The following SUCLG2 variants were observed in gnomAD, a reference collection of about 807,000 sequenced individuals.
The protein encoded by SUCLG2 is succinate-CoA ligase GDP-forming subunit beta.
In SUCLG2, 42 loss-of-function variants were observed where a neutral mutation model predicts 47.9. That is an observed-to-expected ratio of 0.88 (90% CI 0.69 to 1.14). The LOEUF (loss-of-function observed/expected upper bound fraction) is 1.14, where lower values mean the gene tolerates loss of function less well. Among genes scored for constraint, SUCLG2 ranks in the 50% most tolerant of loss-of-function variants. The pLI is 0.00. For missense variants in SUCLG2, 571 were observed against 525.9 expected, an observed-to-expected ratio of 1.09 and a Z score of -0.84; for synonymous variants, 195 against 197.3, an observed-to-expected ratio of 0.99 and a Z score of 0.10.
chr3:67,534,314 G>A (rs1487088210), intron 2 of SUCLG2, among the ~76,000 whole-genome samples: 2 of 152,036 alleles, frequency 1.3e-5, no homozygotes, highest in African/African-American at 4.8e-5. Context: ...ATTTAAAAAT[G>A]ATAATATCTT....
intron 1 of SUCLG2, among the ~76,000 whole-genome samples, chr3:67,627,571 G>C (rs762806187): frequency 6.6e-6 from 1 of 152,162 alleles, no homozygotes; most frequent in African/African-American, 2.4e-5. Context: ...ATTGCTCTGC[G>C]GGGCTGATAA....
rs913231704 is a variant in SUCLG2, at chr3:67,393,792, C to T, written c.1183+6939G>A. ...CACCCCAGCAGGGGCAGACTGACAC[C>T]TCACATGGCCGGGTACTCCTCTGAG... On this transcript the variant is annotated intron_variant, in intron 10 of 10. Transcript: ENST00000307227. 5.3e-5 allele frequency among the ~76,000 whole-genome samples: 8 copies of T among 152,148 alleles called. No individual in the cohort carries two copies. The South Asian group carries it at 8.3e-4, about 16-fold the overall frequency.
chr3:67,466,449 T>C (rs951086842), intron 9 of SUCLG2, among the ~76,000 whole-genome samples: 3 of 152,238 alleles, frequency 2.0e-5, no homozygotes, highest in Admixed American at 6.5e-5. Context: ...AAGGAATTTG[T>C]AGAACACTGG....
At chr3:67,570,212 T>C (rs1707568803) in intron 2 of SUCLG2, among the ~76,000 whole-genome samples, 2 of 152,212 alleles carry the variant, frequency 1.3e-5, no homozygotes, top group South Asian at 2.1e-4. Flanking sequence ...TTCAGAACTA[T>C]GAAAAATAAA....
rs1352981604 is a variant in SUCLG2, at chr3:67,408,749, T to C, written c.1063-7898A>G. 6.7e-6 allele frequency: 9 copies of C among 1,335,982 alleles called. No individual in the cohort carries two copies. In the East Asian group the frequency reaches 2.2e-4, roughly 33 times the overall value. 82.8% of individuals were successfully genotyped at this position (1,335,982 alleles called of 1,614,324 possible). A position where few individuals can be genotyped will look rare whatever the true frequency, so the allele number is the denominator to read the frequency against. ...AGGATTAAGGTTTATTGAGTGTTAA[T>C]TTTCCTAGGTGCTAAAATTATGTAT... On this transcript the variant is annotated intron_variant, in intron 9 of 10. Coordinates refer to ENST00000307227, the MANE Select transcript of SUCLG2 (RefSeq NM_003848.4).
At chr3:67,362,277 C>T (rs1395223577) in intron 10 of SUCLG2, among the ~76,000 whole-genome samples, 2 of 152,130 alleles carry the variant, frequency 1.3e-5, no homozygotes, top group Non-Finnish European at 2.9e-5. Context: ...GCTGTTCTCC[C>T]TCTGCCTGGA....
At chr3:67,444,364 G>T (rs1220713267) in intron 9 of SUCLG2, among the ~76,000 whole-genome samples, 18 of 62,090 alleles carry the variant, frequency 2.9e-4, no homozygotes, top group Non-Finnish European at 5.3e-4. Context: ...CTGGCCAGCC[G>T]CCCCGTCCGG....
intron 2 of SUCLG2, among the ~76,000 whole-genome samples, chr3:67,569,985 C>T (rs1707564183): frequency 6.6e-6 from 1 of 152,126 alleles, no homozygotes; most frequent in Non-Finnish European, 1.5e-5. Context: ...TATTTAGAGA[C>T]AGGGTCTTTA....
intron 2 of SUCLG2, among the ~76,000 whole-genome samples, chr3:67,545,791 C>A (rs1441636244): frequency 6.6e-6 from 1 of 152,098 alleles, no homozygotes; most frequent in East Asian, 1.9e-4. Flanking sequence ...CCCTGCAATA[C>A]TTCCAAGTTA....
intron 9 of SUCLG2, among the ~76,000 whole-genome samples, chr3:67,473,649 C>T (rs952142684): frequency 6.6e-6 from 1 of 151,976 alleles, no homozygotes; most frequent in Non-Finnish European, 1.5e-5. Context: ...GAATTTTGAC[C>T]CAACTTCATT....
chr3:67,469,996 G>T (rs1336417678), intron 9 of SUCLG2, among the ~76,000 whole-genome samples: 1 of 143,620 alleles, frequency 7.0e-6, no homozygotes, highest in Non-Finnish European at 1.5e-5. Context: ...AAAGTGCCAA[G>T]ATCACGCCAT....
chr3:67,427,773 C>A (rs73102339), intron 9 of SUCLG2, among the ~76,000 whole-genome samples: 4,257 of 152,246 alleles, frequency 0.028, 139 homozygotes, highest in Non-Finnish European at 0.036. Flanking sequence ...CCAAATAATG[C>A]GCTTTTCCAA....
chr3:67,598,283 A>G (rs1708339601), intron 2 of SUCLG2, among the ~76,000 whole-genome samples: 1 of 152,104 alleles, frequency 6.6e-6, no homozygotes, highest in South Asian at 2.1e-4. Flanking sequence ...CGCCCGGCCA[A>G]AACTCTCACT....
intron 9 of SUCLG2, among the ~76,000 whole-genome samples, chr3:67,405,763 T>G (rs572726467): frequency 1.3e-5 from 2 of 152,340 alleles, no homozygotes; most frequent in East Asian, 3.9e-4. Flanking sequence ...CTGGGCAAAG[T>G]GTACATAATC....
intron 2 of SUCLG2, among the ~76,000 whole-genome samples, chr3:67,607,214 A>C (rs924917799): frequency 1.3e-5 from 2 of 152,200 alleles, no homozygotes; most frequent in Non-Finnish European, 2.9e-5. Flanking sequence ...GATGGTAGCC[A>C]CTAGCCACAT....
chr3:67,588,494 CACA>C (rs763348705), intron 2 of SUCLG2, among the ~76,000 whole-genome samples: 4 of 152,150 alleles, frequency 2.6e-5, no homozygotes, highest in Non-Finnish European at 5.9e-5. Context: ...AATAAGTCAA[CACA>C]ACATTAGTGT....
intron 2 of SUCLG2, among the ~76,000 whole-genome samples, chr3:67,592,718 C>CAAAAAAAA (rs754866312): frequency 1.1e-4 from 9 of 80,258 alleles, no homozygotes; most frequent in African/African-American, 4.8e-4. Flanking sequence ...TCACATCCTC[C>CAAAAAAAA]AAAAAAAAAA....
In SUCLG2 at chr3:67,406,097, C is replaced by T. The variant is rs185523871; in HGVS notation, c.1063-5246G>A. Among the ~76,000 whole-genome samples the T allele has an allele frequency of 2.8e-4, 42 of 152,244 alleles. 1 individual carries two copies. Among genetic ancestry groups the T allele is most frequent in the Admixed American group, 2.7e-3 (41 of 15,296 alleles). ...ACTTGTGAGACAGATATTACCTACCCCCCTTTCGCAGATGAGAAAACCAAG... is the reference window on the plus strand; with the variant it reads ...ACTTGTGAGACAGATATTACCTACCTCCCTTTCGCAGATGAGAAAACCAAG... On this transcript the variant is annotated intron_variant, in intron 9 of 10. Coordinates refer to ENST00000307227, the MANE Select transcript of SUCLG2 (RefSeq NM_003848.4).
intron 9 of SUCLG2, among the ~76,000 whole-genome samples, chr3:67,436,961 T>C (rs1310713303): frequency 6.6e-6 from 1 of 152,164 alleles, no homozygotes; most frequent in African/African-American, 2.4e-5. Flanking sequence ...CTTTTAAATA[T>C]TGCCATTTTG....
Sources: gnomAD v4.1 joint callset for allele counts (sites outside exome capture counted in the v4.1 genomes callset) on GRCh38, gnomAD v4.1.1 for gene constraint, MANE v1.5 for transcripts, NCBI Gene and HGNC (gene_info 2026-07-23, HGNC 2026-07-21) for gene names.